Variants in ZNF318 observed in about 807,000 individuals in gnomAD.
ZNF318 encodes endocrine regulator.
ZNF318 carries 51 observed loss-of-function variants against 124.2 expected under a neutral mutation model. The ratio of observed to expected loss-of-function variants is 0.41; its 90% CI spans 0.33 to 0.52. The LOEUF is 0.52. ZNF318 is among the 20% of genes least tolerant of loss of function. The pLI, the probability that ZNF318 is intolerant of heterozygous loss-of-function variation, is 0.23. For missense variants in ZNF318, 2,815 were observed against 2,811.2 expected (o/e 1.00, Z -0.03); for synonymous variants, 1,090 against 1,040.7 (o/e 1.05, Z -0.91).
rs1450772225 is a variant in ZNF318, at chr6:43,369,504, C to T, written c.-139G>A. On this transcript the variant is annotated 5_prime_UTR_variant, in exon 1 of 10. Coordinates refer to ENST00000361428, the MANE Select transcript of ZNF318 (RefSeq NM_014345.3). ...CTCAGCCGCGGGAGCAGCCCCCTCC[C>T]CTCGGCCCCGCGTCGCCCCGGGGGC... The T allele has an allele frequency of 4.8e-6, 3 of 625,952 alleles. No individual in the cohort carries two copies. In the South Asian group the frequency reaches 2.1e-4, roughly 45 times the overall value. The allele number at this position is 625,952 out of a possible 1,614,324, so 38.8% of individuals were successfully genotyped here.
rs182185374 is a variant in ZNF318, at chr6:43,338,929, G to A, written c.5069C>T (p.Thr1690Ile). ...LCQSRPYETI[T>I]PKTDTLAIWT... ...TATGGCCAAAGTGTCTGTCTTTGGG[G>A]TAATTGTTTCATAAGGCCTGCTTTG... Residue 1690 changes from threonine to isoleucine, a missense_variant, in exon 10 of 10, where the codon ACC becomes ATC. Physicochemically the swap from Thr to Ile is moderately conservative, Grantham distance 89. Around this residue, in one of 4 missense-constraint regions of ZNF318, gnomAD observed 927 missense variants for 820.6 expected, o/e 1.13. Transcript: ENST00000361428. The A allele has an allele frequency of 6.2e-7, 1 of 1,614,008 alleles. No homozygotes were observed. Among genetic ancestry groups the A allele is most frequent in the African/African-American group, 1.3e-5 (1 of 74,922 alleles).
intron 2 of ZNF318, among the ~76,000 whole-genome samples, chr6:43,364,639 G>A (rs1779735501): frequency 6.6e-6 from 1 of 152,206 alleles, no homozygotes; most frequent in Non-Finnish European, 1.5e-5. Flanking sequence ...TGACTTTTGT[G>A]AGGTGAAAAA....
intron 4 of ZNF318, among the ~76,000 whole-genome samples, chr6:43,352,787 G>A (rs1779547772): frequency 1.3e-5 from 2 of 152,370 alleles, no homozygotes; most frequent in East Asian, 3.8e-4. Context: ...GGAACCATAT[G>A]TGTTATAGGT....
intron 7 of ZNF318, 105 bp downstream of exon 7, chr6:43,342,569 GCC>G: frequency 1.6e-6 from 2 of 1,217,212 alleles, no homozygotes; most frequent in Non-Finnish European, 2.3e-6. Context: ...TGGGGCTCCT[GCC>G]CATATGAGAA....
At chr6:43,340,550 G>A in intron 9 of ZNF318, 48 bp from the exon 10 acceptor site, 1 of 1,532,150 alleles carries the variant, frequency 6.5e-7, no homozygotes, top group Non-Finnish European at 8.7e-7. Flanking sequence ...AAATACAAGA[G>A]AAAAAAATCT....
intron 1 of ZNF318, chr6:43,368,596 G>A: frequency 1.1e-6 from 1 of 900,920 alleles, no homozygotes. Flanking sequence ...GGCAGCTCAG[G>A]TGTAAGGGGA....
chr6:43,356,208 T>TAA, intron 3 of ZNF318, 63 bp from the exon 4 acceptor site: 2 of 1,481,830 alleles, frequency 1.3e-6, no homozygotes, highest in South Asian at 2.7e-5. Flanking sequence ...GTAATTGAGA[T>TAA]AAATACTTAA....
chr6:43,342,216 T>G lies in ZNF318; in HGVS notation c.3277-5A>C. 6.2e-7 allele frequency: 1 copy of G among 1,608,220 alleles called. No individual in the cohort carries two copies. Among genetic ancestry groups the G allele is most frequent in the Non-Finnish European group, 8.5e-7 (1 of 1,177,036 alleles). On this transcript the variant is annotated splice_region_variant and splice_polypyrimidine_tract_variant and intron_variant, in intron 7 of 9. Transcript: ENST00000361428. ...TCTGTTGTAGGGATCCAGTGTCTAT[T>G]TGTAAGAGGCAGAGGTGCTCACACA...
chr6:43,354,586 A>G, intron 4 of ZNF318, 78 bp downstream of exon 4: 1 of 1,360,330 alleles, frequency 7.4e-7, no homozygotes. Context: ...ACAAATTTTC[A>G]GCCCCTTCTA....
At chr6:43,349,804 C>G (rs1779501822) in intron 5 of ZNF318, among the ~76,000 whole-genome samples, 1 of 152,120 alleles carries the variant, frequency 6.6e-6, no homozygotes, top group African/African-American at 2.4e-5. Context: ...TAAGGAAAGA[C>G]CAGACACTGT....
intron 8 of ZNF318, among the ~76,000 whole-genome samples, chr6:43,341,621 G>C (rs1779374175): frequency 7.0e-6 from 1 of 142,802 alleles, no homozygotes. Context: ...CTGCACTCCA[G>C]CCTGGGCAAC....
chr6:43,369,082 C>A lies in ZNF318; in HGVS notation c.284G>T (p.Gly95Val). Reference protein sequence around the residue: ...ARRGSPSPPRGRRLFPPGPAG... With the variant: ...ARRGSPSPPRVRRLFPPGPAG... Reference sequence around the variant, plus strand: ...CGGGCCCGGCGGGAAGAGTCGTCGGCCCCGCGGTGGCGACGGGGAGCCGCG... The same window carrying A: ...CGGGCCCGGCGGGAAGAGTCGTCGGACCCGCGGTGGCGACGGGGAGCCGCG... The change falls in exon 1 of 10, where the codon GGC (glycine) becomes GTC (valine). Residue 95 changes from glycine to valine, a missense_variant. This residue lies in a region of ZNF318 where 1,377 missense variants were observed against 1,353.5 expected (regional missense o/e 1.02). Transcript: ENST00000361428. The A allele has an allele frequency of 7.8e-7, 1 of 1,279,096 alleles. No homozygotes were observed. Among genetic ancestry groups the A allele is most frequent in the Non-Finnish European group, 9.9e-7 (1 of 1,012,892 alleles). The allele number at this position is 1,279,096 out of a possible 1,614,324, so 79.2% of individuals were successfully genotyped here. A position where few individuals can be genotyped will look rare whatever the true frequency, so the allele number is the denominator to read the frequency against.
Position 43,342,662 on chromosome 6 carries a change from A to T in ZNF318, c.3276+14T>A. 6.2e-7 allele frequency: 1 copy of T among 1,613,544 alleles called. No homozygotes were observed. Among genetic ancestry groups the T allele is most frequent in the Non-Finnish European group, 8.5e-7 (1 of 1,179,478 alleles). ...GAGGGTGGGAGTGAAAATAACAGAGAGTAGGATACCAACCTGTGTGTGCTT... is the reference window on the plus strand; with the variant it reads ...GAGGGTGGGAGTGAAAATAACAGAGTGTAGGATACCAACCTGTGTGTGCTT... On this transcript the variant is annotated intron_variant, in intron 7 of 9. Coordinates refer to ENST00000361428, the MANE Select transcript of ZNF318 (RefSeq NM_014345.3).
chr6:43,348,507 T>C lies in ZNF318; in HGVS notation c.2889A>G (p.Ala963=). 1 of 1,614,194 alleles carries C rather than the reference T, an allele frequency of 6.2e-7. No homozygotes were observed. Among genetic ancestry groups the C allele is most frequent in the Admixed American group, 1.7e-5 (1 of 60,014 alleles). ...MKDIAELRQE[A]EEAEKKQSEL... is the part of the protein sequence containing the mutation. ...CAGATTGCTTCTTTTCTGCCTCTTC[T>C]GCCTCTTGCCGTAGCTCTGCAATGT... Residue 963 remains alanine (A), a synonymous_variant, in exon 6 of 10, where the codon GCA becomes GCG. Coordinates refer to ENST00000361428, the MANE Select transcript of ZNF318 (RefSeq NM_014345.3).
intron 2 of ZNF318, among the ~76,000 whole-genome samples, chr6:43,358,499 T>C (rs538901976): frequency 1.3e-5 from 2 of 151,012 alleles, no homozygotes; most frequent in Admixed American, 6.6e-5. Context: ...CCTGACCTAG[T>C]GATCAGCCCG....
chr6:43,350,477 C>T (rs1411885643), intron 5 of ZNF318, among the ~76,000 whole-genome samples: 1 of 151,976 alleles, frequency 6.6e-6, no homozygotes, highest in Non-Finnish European at 1.5e-5. Flanking sequence ...TAGGAAGTTC[C>T]CTCTTACAGT....
intron 1 of ZNF318, 36 bp from the exon 2 acceptor site, chr6:43,365,476 G>T (rs370339576): frequency 6.3e-7 from 1 of 1,591,522 alleles, no homozygotes; most frequent in South Asian, 1.1e-5. Context: ...TAGTCAATAG[G>T]GTCAAGACAT....
intron 6 of ZNF318, among the ~76,000 whole-genome samples, chr6:43,344,160 C>T (rs928113220): frequency 7.2e-5 from 11 of 152,174 alleles, no homozygotes; most frequent in Admixed American, 6.5e-4. Flanking sequence ...TTCAAAGATA[C>T]TCTTTCCCTA....
At chr6:43,367,141 C>T (rs959335431) in intron 1 of ZNF318, among the ~76,000 whole-genome samples, 3 of 152,204 alleles carry the variant, frequency 2.0e-5, no homozygotes, top group East Asian at 1.9e-4. Flanking sequence ...TGAGCCACCG[C>T]GCCCGGCCCT....
Sources: allele counts gnomAD v4.1 joint callset (sites outside exome capture counted in the v4.1 genomes callset), GRCh38; gene constraint gnomAD v4.1.1; regional missense constraint gnomAD v4.1.1; transcripts MANE v1.5; gene names NCBI Gene and HGNC (gene_info 2026-07-23, HGNC 2026-07-21).